Variants in ZNF81 observed in about 807,000 individuals in gnomAD.
The protein encoded by ZNF81 is zinc finger protein 81, also known as zinc finger protein 81 (HFZ20).
A neutral mutation model predicts 32.3 loss-of-function variants in ZNF81; 5 were observed. The ratio of observed to expected loss-of-function variants is 0.15; its 90% CI spans 0.08 to 0.33. The LOEUF is 0.33. Among genes scored for constraint, ZNF81 ranks in the 10% least tolerant of loss-of-function variants. The pLI is 1.00. For missense variants in ZNF81, 379 were observed against 479.8 expected (o/e 0.79, Z 1.96); for synonymous variants, 163 against 166.8 (o/e 0.98, Z 0.17).
intron 1 of ZNF81, among the ~76,000 whole-genome samples, chrX:47,837,733 T>C (rs1225604489): frequency 4.4e-5 from 5 of 112,633 alleles, no homozygotes; most frequent in Admixed American, 3.7e-4. Flanking sequence ...TCTATCCCTC[T>C]GCCAGTACTA....
At chrX:47,840,746 G>T (rs1200052165) in intron 1 of ZNF81, among the ~76,000 whole-genome samples, 6 of 111,685 alleles carry the variant, frequency 5.4e-5, no homozygotes, top group Admixed American at 1.9e-4. Context: ...GACCTCAGGT[G>T]ATCCGCCCGC....
intron 2 of ZNF81, among the ~76,000 whole-genome samples, chrX:47,876,065 A>G (rs1202671035): frequency 8.9e-6 from 1 of 112,148 alleles, no homozygotes; most frequent in African/African-American, 3.2e-5. Flanking sequence ...GCAGGTAGTT[A>G]CAACTTAGAG....
At chrX:47,842,652 T>A (rs560603207) in intron 1 of ZNF81, 4 of 111,798 alleles carry the variant, frequency 3.6e-5, no homozygotes, top group Admixed American at 2.9e-4. Flanking sequence ...TTTGATAGAG[T>A]CTCACTCTGT....
In ZNF81 at chrX:47,922,053, A is replaced by G. The variant is rs1298506691; in HGVS notation, c.*5421A>G. On this transcript the variant is annotated 3_prime_UTR_variant, in exon 5 of 5. Transcript: ENST00000338637. ...AGCCATCCCAAACAACTACCAGAAT[A>G]ATGGATTAAAACGTTAACTGTTTTA... is the stretch of plus-strand genomic sequence containing the variant. 1 of 112,306 alleles carries G rather than the reference A, an allele frequency of 8.9e-6. No individual in the cohort carries two copies. The highest frequency in any genetic ancestry group is 3.2e-5 in the African/African-American group (1 of 30,866). 9.3% of individuals were successfully genotyped at this position (112,306 alleles called of 1,213,427 possible). A position where few individuals can be genotyped will look rare whatever the true frequency, so the allele number is the denominator to read the frequency against.
chrX:47,883,980 G>A (rs1239365359), intron 2 of ZNF81, among the ~76,000 whole-genome samples: 2 of 110,845 alleles, frequency 1.8e-5, no homozygotes, highest in African/African-American at 6.6e-5. Flanking sequence ...GGGCGTGGTG[G>A]CTCATGCCTG....
chrX:47,855,197 AC>A (rs2058511969), intron 2 of ZNF81, among the ~76,000 whole-genome samples: 2 of 109,677 alleles, frequency 1.8e-5, no homozygotes, highest in South Asian at 3.8e-4. Context: ...AAATAAAAAA[AC>A]CCCCAAATCT....
chrX:47,899,201 C>T (rs1556887611), intron 4 of ZNF81, among the ~76,000 whole-genome samples: 2 of 110,679 alleles, frequency 1.8e-5, no homozygotes, highest in African/African-American at 6.5e-5. Context: ...CAGTCTTTCA[C>T]CATTAAGTTA....
At chrX:47,848,978 G>T (rs2058482627) in intron 2 of ZNF81, among the ~76,000 whole-genome samples, 1 of 111,841 alleles carries the variant, frequency 8.9e-6, no homozygotes, top group Non-Finnish European at 1.9e-5. Flanking sequence ...GATAACAGCA[G>T]CTGAGAACAC....
intron 2 of ZNF81, among the ~76,000 whole-genome samples, chrX:47,870,224 A>G (rs1039270356): frequency 8.9e-6 from 1 of 112,040 alleles, no homozygotes; most frequent in Non-Finnish European, 1.9e-5. Flanking sequence ...TTATAAGAAG[A>G]TTCAATTAAG....
chrX:47,892,370 A>G (rs952141287), intron 3 of ZNF81, among the ~76,000 whole-genome samples: 1 of 112,157 alleles, frequency 8.9e-6, no homozygotes. Flanking sequence ...GACATCTTCA[A>G]GGATGCTCGG....
At chrX:47,840,003 T>G (rs2058440397) in intron 1 of ZNF81, among the ~76,000 whole-genome samples, 1 of 111,142 alleles carries the variant, frequency 9.0e-6, no homozygotes, top group South Asian at 3.8e-4. Flanking sequence ...ACAATTCTTC[T>G]TCCAGTGGGG....
At chrX:47,882,061 A>G (rs2148025564) in intron 2 of ZNF81, among the ~76,000 whole-genome samples, 1 of 111,811 alleles carries the variant, frequency 8.9e-6, no homozygotes, top group African/African-American at 3.2e-5. Flanking sequence ...TGTTTCTAAC[A>G]TGCCCTTTTG....
intron 4 of ZNF81, among the ~76,000 whole-genome samples, chrX:47,906,713 A>C (rs1342118875): frequency 9.0e-6 from 1 of 111,683 alleles, no homozygotes; most frequent in African/African-American, 3.3e-5. Context: ...GCTACTCAGA[A>C]GGCTGAGGCA....
rs144128463 is a variant in ZNF81 at position 47,895,246 on chromosome X, G to C, written c.182-599G>C. Among the ~76,000 whole-genome samples, 894 of 111,438 alleles carry C rather than the reference G, an allele frequency of 8.0e-3. 7 individuals are homozygous for C. The highest frequency in any genetic ancestry group is 0.028 in the African/African-American group (871 of 30,636). On this transcript the variant is annotated intron_variant, in intron 3 of 4. Coordinates refer to ENST00000338637, the MANE Select transcript of ZNF81 (RefSeq NM_007137.5). The stretch of plus-strand genomic sequence containing the variant: ...TAATCAAGTTAAAGTGAGGTCATTA[G>C]GGTGGGCCCTACTCTAATCTGACTG...
intron 2 of ZNF81, among the ~76,000 whole-genome samples, chrX:47,872,578 G>A (rs1167376370): frequency 8.9e-6 from 1 of 111,850 alleles, no homozygotes; most frequent in Non-Finnish European, 1.9e-5. Context: ...AACTACACAG[G>A]AAAAATTTTC....
At chrX:47,882,285 C>T (rs571504119) in intron 2 of ZNF81, among the ~76,000 whole-genome samples, 5 of 111,547 alleles carry the variant, frequency 4.5e-5, no homozygotes, top group South Asian at 3.8e-4. Flanking sequence ...TCAGTATTCT[C>T]CCCTTGAGGC....
rs1556892041 is a variant in ZNF81, at chrX:47,922,337, C to T, written c.*5705C>T. On this transcript the variant is annotated 3_prime_UTR_variant, in exon 5 of 5. Transcript: ENST00000338637. ...TTTTCAAAAATGGGATCATAACATACAACCATCTCTGCAGCTTGCTTTATT... is the reference window on the plus strand; with the variant it reads ...TTTTCAAAAATGGGATCATAACATATAACCATCTCTGCAGCTTGCTTTATT... 1 of 112,258 alleles carries T rather than the reference C, an allele frequency of 8.9e-6. No individual in the cohort carries two copies. Among genetic ancestry groups the T allele is most frequent in the Admixed American group, 9.4e-5 (1 of 10,615 alleles). The allele number at this position is 112,258 out of a possible 1,213,427, so 9.3% of individuals were successfully genotyped here. A position where few individuals can be genotyped will look rare whatever the true frequency, so the allele number is the denominator to read the frequency against.
chrX:47,843,467 T>TCACACACACACA (rs1569371669), intron 1 of ZNF81, among the ~76,000 whole-genome samples: 2 of 49,588 alleles, frequency 4.0e-5, no homozygotes, highest in African/African-American at 1.3e-4. Context: ...ACACACACAT[T>TCACACACACACA]CTTGACTCCT....
rs782218495 is a variant in ZNF81 at position 47,915,879 on chromosome X, G to C, written c.1233G>C (p.Glu411Asp). Reference protein sequence around the residue: ...LNIHQKIHTGERHHKCSECGK... With the variant: ...LNIHQKIHTGDRHHKCSECGK... The stretch of plus-strand genomic sequence containing the variant: ...TACATCAGAAAATTCACACTGGAGA[G>C]AGACATCACAAATGCAGTGAGTGTG... Residue 411 changes from glutamate to aspartate, a missense_variant, in exon 5 of 5, where the codon GAG (glutamate) becomes GAC (aspartate). Physicochemically the swap from Glu to Asp is conservative, Grantham distance 45. Coordinates refer to ENST00000338637, the MANE Select transcript of ZNF81 (RefSeq NM_007137.5). 1 of 1,208,322 alleles carries C rather than the reference G, an allele frequency of 8.3e-7. No homozygotes were observed. The highest frequency in any genetic ancestry group is 1.1e-6 in the Non-Finnish European group (1 of 894,420).
Sources: allele counts gnomAD v4.1 joint callset (sites outside exome capture counted in the v4.1 genomes callset), GRCh38; gene constraint gnomAD v4.1.1; transcripts MANE v1.5; gene names NCBI Gene and HGNC (gene_info 2026-07-23, HGNC 2026-07-21).